The following ARHGAP26 variants were observed in gnomAD, a reference collection of about 807,000 sequenced individuals.
ARHGAP26 encodes rho GTPase-activating protein 26.
ARHGAP26 carries 38 observed loss-of-function variants against 104.8 expected under a neutral mutation model. That is an observed-to-expected ratio of 0.36 (90% CI 0.28 to 0.48). ARHGAP26 has a LOEUF of 0.48. Among genes scored for constraint, ARHGAP26 ranks in the 20% least tolerant of loss-of-function variants. The pLI is 0.99. For synonymous variants in ARHGAP26, 341 were observed against 340.0 expected, an observed-to-expected ratio of 1.00 and a Z score of -0.03; for missense variants, 704 against 947.9, an observed-to-expected ratio of 0.74 and a Z score of 3.38.
At chr5:143,173,981 A>G (rs993020170) in intron 20 of ARHGAP26, among the ~76,000 whole-genome samples, 1 of 152,254 alleles carries the variant, frequency 6.6e-6, no homozygotes, top group Non-Finnish European at 1.5e-5. Flanking sequence ...TGAGGGCAGC[A>G]TCAAAACAGA....
chr5:142,814,710 C>G (rs1266246725), intron 1 of ARHGAP26, among the ~76,000 whole-genome samples: 2 of 152,316 alleles, frequency 1.3e-5, no homozygotes, highest in East Asian at 3.9e-4. Context: ...GCATTCAGAA[C>G]CTAGCTCTAC....
chr5:142,979,887 G>A (rs752501182), intron 11 of ARHGAP26, among the ~76,000 whole-genome samples: 7 of 152,228 alleles, frequency 4.6e-5, no homozygotes, highest in Non-Finnish European at 7.3e-5. Context: ...CTGGCCAGCA[G>A]CTGGAAACTC....
chr5:143,139,722 C>A (rs752725933), intron 19 of ARHGAP26, among the ~76,000 whole-genome samples: 1 of 152,178 alleles, frequency 6.6e-6, no homozygotes, highest in African/African-American at 2.4e-5. Flanking sequence ...ACAGATGGAA[C>A]GAGGTTTTTC....
intron 12 of ARHGAP26, among the ~76,000 whole-genome samples, chr5:143,020,800 G>A (rs1406540540): frequency 3.3e-5 from 5 of 152,074 alleles, no homozygotes; most frequent in East Asian, 1.9e-4. Context: ...CCTCACGCCC[G>A]GCTAATTTTT....
chr5:142,929,443 G>A (rs1043512264), intron 10 of ARHGAP26, among the ~76,000 whole-genome samples: 6 of 152,188 alleles, frequency 3.9e-5, no homozygotes, highest in Non-Finnish European at 7.3e-5. Context: ...ATAGTTGTTA[G>A]TAGGGACATA....
intron 1 of ARHGAP26, among the ~76,000 whole-genome samples, chr5:142,820,326 G>T (rs1211945156): frequency 2.0e-5 from 3 of 152,084 alleles, no homozygotes; most frequent in Non-Finnish European, 2.9e-5. Flanking sequence ...TGGACGAAAG[G>T]TTTCTGGATA....
At chr5:143,138,200 A>C (rs571758234) in intron 19 of ARHGAP26, among the ~76,000 whole-genome samples, 7 of 152,158 alleles carry the variant, frequency 4.6e-5, no homozygotes, top group African/African-American at 7.2e-5. Flanking sequence ...GCTGTGGTCT[A>C]TTCTCAGAAT....
chr5:142,784,919 T>C (rs1400553467), intron 1 of ARHGAP26, among the ~76,000 whole-genome samples: 1 of 147,770 alleles, frequency 6.8e-6, no homozygotes, highest in African/African-American at 2.6e-5. Flanking sequence ...ACCACTTCCT[T>C]AGGATTTTTT....
chr5:142,779,338 G>T (rs1757020340), intron 1 of ARHGAP26, among the ~76,000 whole-genome samples: 1 of 152,176 alleles, frequency 6.6e-6, no homozygotes, highest in Admixed American at 6.5e-5. Flanking sequence ...ACCTTGATTG[G>T]AAGGCACAGA....
At chr5:143,193,132 C>G (rs1027979063) in intron 20 of ARHGAP26, among the ~76,000 whole-genome samples, 1 of 151,884 alleles carries the variant, frequency 6.6e-6, no homozygotes, top group Non-Finnish European at 1.5e-5. Context: ...CTCCCCGGGA[C>G]AGGAATCATC....
intron 10 of ARHGAP26, among the ~76,000 whole-genome samples, chr5:142,917,266 T>C (rs1219392463): frequency 2.0e-5 from 3 of 152,186 alleles, no homozygotes; most frequent in Non-Finnish European, 4.4e-5. Flanking sequence ...CTTGAACTAC[T>C]GACCTCAGGT....
At position 142,805,151 on chromosome 5, in the gene ARHGAP26, G is replaced by A. The variant is rs1306519164; in HGVS notation, c.154+34236G>A. Among the ~76,000 whole-genome samples, 5 of 144,474 alleles carry A rather than the reference G, an allele frequency of 3.5e-5. No individual in the cohort carries two copies. In the East Asian group the frequency reaches 8.1e-4, roughly 23 times the overall value. 94.8% of individuals were successfully genotyped at this position (144,474 alleles called of 152,430 possible). ...GGAGTTTCACCCTTTTCGCCAGGCT[G>A]GAGTGCAGTGGCGCAATCTCGGCTC... is the stretch of plus-strand genomic sequence containing the variant. On this transcript the variant is annotated intron_variant, in intron 1 of 22. Coordinates refer to ENST00000645722, the MANE Select transcript of ARHGAP26 (RefSeq NM_001135608.3).
At position 142,902,057 on chromosome 5, in the gene ARHGAP26, C is replaced by T. The variant is rs751351925; in HGVS notation, c.702+18C>T. ...TACAGAACGTGAGTGGGCATAGGGA[C>T]AGGCTTCTTTTATCTGGTTAAGGAA... is the stretch of plus-strand genomic sequence containing the variant. On this transcript the variant is annotated intron_variant, in intron 7 of 22. Coordinates refer to ENST00000645722, the MANE Select transcript of ARHGAP26 (RefSeq NM_001135608.3). 5 of 1,603,002 alleles carry T rather than the reference C, an allele frequency of 3.1e-6. No individual in the cohort carries two copies. The highest frequency in any genetic ancestry group is 1.7e-4 in the Middle Eastern group (1 of 6,046).
intron 20 of ARHGAP26, among the ~76,000 whole-genome samples, chr5:143,167,104 C>T (rs1275990475): frequency 6.6e-6 from 1 of 151,994 alleles, no homozygotes; most frequent in Non-Finnish European, 1.5e-5. Context: ...ATTTTCTCAC[C>T]TCAAGTAAAT....
At chr5:142,958,166 C>A (rs889256641) in intron 11 of ARHGAP26, among the ~76,000 whole-genome samples, 1 of 152,036 alleles carries the variant, frequency 6.6e-6, no homozygotes, top group Admixed American at 6.6e-5. Context: ...TCCCTTCCCC[C>A]CATTTCTCCT....
At chr5:142,870,462 C>G (rs1355353339) in intron 1 of ARHGAP26, among the ~76,000 whole-genome samples, 2 of 152,210 alleles carry the variant, frequency 1.3e-5, no homozygotes, top group African/African-American at 4.8e-5. Flanking sequence ...TTCCCACATA[C>G]TACAAGGATC....
At chr5:142,771,793 A>C (rs530601988) in intron 1 of ARHGAP26, among the ~76,000 whole-genome samples, 3 of 152,346 alleles carry the variant, frequency 2.0e-5, no homozygotes, top group Admixed American at 1.3e-4. Context: ...TCCTTTTGGT[A>C]CAAGGGGAGA....
intron 12 of ARHGAP26, among the ~76,000 whole-genome samples, chr5:143,019,497 T>C (rs1432064590): frequency 1.3e-5 from 2 of 152,186 alleles, no homozygotes; most frequent in South Asian, 2.1e-4. Context: ...TAGGGAGTTA[T>C]AAAATTTACT....
chr5:142,791,165 A>G (rs181264982), intron 1 of ARHGAP26, among the ~76,000 whole-genome samples: 2 of 147,568 alleles, frequency 1.4e-5, no homozygotes, highest in East Asian at 3.9e-4. Context: ...TGCAACCTCC[A>G]CCTCCCAGGT....
Sources: gnomAD v4.1 joint callset for allele counts (sites outside exome capture counted in the v4.1 genomes callset) on GRCh38, gnomAD v4.1.1 for gene constraint, MANE v1.5 for transcripts, NCBI Gene and HGNC (gene_info 2026-07-23, HGNC 2026-07-21) for gene names.